PTPRD: variants seen among roughly 807,000 people sequenced by gnomAD.
PTPRD encodes the protein protein tyrosine phosphatase receptor type D, also known as receptor-type tyrosine-protein phosphatase delta.
PTPRD carries 34 observed loss-of-function variants against 214.5 expected under a neutral mutation model. The observed-to-expected ratio is 0.16, with a 90% CI of 0.12 to 0.21. PTPRD has a LOEUF of 0.21. Among genes scored for constraint, PTPRD ranks in the 10% least tolerant of loss-of-function variants. The pLI is 1.00. For synonymous variants in PTPRD, 1,128 were observed against 845.7 expected (o/e 1.33, Z -5.79); for missense variants, 2,545 against 2,398.7 (o/e 1.06, Z -1.27).
At chr9:9,584,435 T>C (rs1178173481) in intron 7 of PTPRD, among the ~76,000 whole-genome samples, 2 of 151,916 alleles carry the variant, frequency 1.3e-5, no homozygotes, top group East Asian at 1.9e-4. Context: ...ATCACTATTC[T>C]TTCTCTACAG....
intron 11 of PTPRD, among the ~76,000 whole-genome samples, chr9:8,921,057 G>A (rs937721508): frequency 2.0e-5 from 3 of 152,056 alleles, no homozygotes; most frequent in African/African-American, 4.8e-5. Context: ...CTGGCAATCC[G>A]CGCGCCTCGG....
chr9:10,473,246 G>C (rs1206778167), intron 2 of PTPRD, among the ~76,000 whole-genome samples: 1 of 152,046 alleles, frequency 6.6e-6, no homozygotes, highest in Non-Finnish European at 1.5e-5. Context: ...TTATCATGGA[G>C]AGGTAGATAT....
intron 7 of PTPRD, among the ~76,000 whole-genome samples, chr9:9,687,364 G>C (rs1564545366): frequency 6.6e-6 from 1 of 151,724 alleles, no homozygotes; most frequent in Admixed American, 6.6e-5. Context: ...TCCCTTTGTG[G>C]AAGCCTTCAT....
intron 3 of PTPRD, among the ~76,000 whole-genome samples, chr9:10,266,962 G>A (rs1035612468): frequency 2.0e-5 from 3 of 151,826 alleles, no homozygotes; most frequent in African/African-American, 7.3e-5. Context: ...AGGCCGAGGC[G>A]GGCGAATCAC....
chr9:9,942,382 A>G (rs976502246), intron 4 of PTPRD, among the ~76,000 whole-genome samples: 22 of 152,142 alleles, frequency 1.4e-4, no homozygotes, highest in Non-Finnish European at 3.1e-4. Flanking sequence ...CTGATATACC[A>G]TAATTTAACC....
chr9:8,540,047 C>A (rs2078006687), intron 14 of PTPRD, among the ~76,000 whole-genome samples: 1 of 152,090 alleles, frequency 6.6e-6, no homozygotes, highest in Admixed American at 6.6e-5. Flanking sequence ...TTGGGAATGA[C>A]AGGCAAGGCA....
intron 8 of PTPRD, among the ~76,000 whole-genome samples, chr9:9,407,362 C>T (rs2073856429): frequency 6.6e-6 from 1 of 151,578 alleles, no homozygotes; most frequent in African/African-American, 2.4e-5. Context: ...GTTGTTTCTA[C>T]CTAACATGAT....
intron 12 of PTPRD, among the ~76,000 whole-genome samples, chr9:8,667,334 C>T (rs140605860): frequency 1.3e-5 from 2 of 152,044 alleles, no homozygotes; most frequent in Non-Finnish European, 2.9e-5. Context: ...AGCAAAACGT[C>T]GTCTCTAAAT....
At position 10,141,231 on chromosome 9, in the gene PTPRD, G is replaced by C. The variant is rs964609290; in HGVS notation, c.-544-107441C>G. ...TCTCTCACCACTCCTATTCAACATA[G>C]TGTTGGAATTTTTGGCCAGGGCAAT... On this transcript the variant is annotated intron_variant, in intron 3 of 45. Transcript: ENST00000381196. Among the ~76,000 whole-genome samples the C allele has an allele frequency of 7.2e-5, 11 of 152,098 alleles. No individual in the cohort carries two copies. The East Asian group carries it at 1.9e-3, about 27-fold the overall frequency.
intron 2 of PTPRD, among the ~76,000 whole-genome samples, chr9:10,507,098 G>C (rs139670789): frequency 0.035 from 5,366 of 152,100 alleles, 138 homozygotes; most frequent in East Asian, 0.14. Context: ...CTTCAGCAAA[G>C]TCTCGGGATA....
In PTPRD at chr9:9,930,363, T is replaced by G. The variant is rs145322174; in HGVS notation, c.-368+8144A>C. The stretch of plus-strand genomic sequence containing the variant: ...AAGAATGGACCTGGAAACCACAGTC[T>G]ATGGGGAAGACAAGAACAGAGAAGT... On this transcript the variant is annotated intron_variant, in intron 5 of 45. Transcript: ENST00000381196. Among the ~76,000 whole-genome samples, 815 of 152,278 alleles carry G rather than the reference T, an allele frequency of 5.4e-3. 8 individuals are homozygous for G. Among genetic ancestry groups the G allele is most frequent in the African/African-American group, 0.018 (729 of 41,540 alleles).
intron 11 of PTPRD, among the ~76,000 whole-genome samples, chr9:8,825,453 T>C (rs1017959415): frequency 5.3e-5 from 8 of 152,122 alleles, no homozygotes; most frequent in Admixed American, 1.3e-4. Flanking sequence ...AAAAATGAGG[T>C]AGAGAGAAAT....
chr9:10,563,232 C>G (rs1477794499), intron 2 of PTPRD, among the ~76,000 whole-genome samples: 2 of 152,140 alleles, frequency 1.3e-5, no homozygotes, highest in African/African-American at 4.8e-5. Flanking sequence ...AGAACTCTTC[C>G]TTATGATTTG....
intron 3 of PTPRD, among the ~76,000 whole-genome samples, chr9:10,174,690 C>G (rs2099235698): frequency 1.3e-5 from 2 of 151,732 alleles, no homozygotes; most frequent in African/African-American, 4.8e-5. Flanking sequence ...ATCAACTAAT[C>G]ATAAGTGCAT....
intron 10 of PTPRD, among the ~76,000 whole-genome samples, chr9:9,091,994 CT>C (rs1193611667): frequency 6.6e-6 from 1 of 152,128 alleles, no homozygotes; most frequent in Non-Finnish European, 1.5e-5. Flanking sequence ...ATTTTCTTTT[CT>C]CTCAGTTTAT....
chr9:9,453,165 C>T (rs998117979), intron 8 of PTPRD, among the ~76,000 whole-genome samples: 2 of 151,354 alleles, frequency 1.3e-5, no homozygotes, highest in Admixed American at 6.6e-5. Flanking sequence ...AATGCATTGC[C>T]TGCAAACTTA....
At chr9:9,118,777 T>G (rs1028386684) in intron 10 of PTPRD, among the ~76,000 whole-genome samples, 9 of 152,294 alleles carry the variant, frequency 5.9e-5, no homozygotes, top group African/African-American at 1.9e-4. Context: ...TTTTTATAAT[T>G]TCAATTCCAA....
intron 7 of PTPRD, among the ~76,000 whole-genome samples, chr9:9,592,394 T>C (rs2092821048): frequency 1.3e-5 from 2 of 152,180 alleles, no homozygotes; most frequent in South Asian, 4.1e-4. Flanking sequence ...TCTTCCTCCA[T>C]GTATGCTTAT....
chr9:8,923,923 G>C (rs1446537722), intron 11 of PTPRD, among the ~76,000 whole-genome samples: 1 of 152,128 alleles, frequency 6.6e-6, no homozygotes, highest in Non-Finnish European at 1.5e-5. Context: ...TATATTTGAA[G>C]CTTCCAATTG....
Sources: gnomAD v4.1 joint callset for allele counts (sites outside exome capture counted in the v4.1 genomes callset) on GRCh38, gnomAD v4.1.1 for gene constraint, MANE v1.5 for transcripts, NCBI Gene and HGNC (gene_info 2026-07-23, HGNC 2026-07-21) for gene names.